The following HIVEP3 variants were observed in gnomAD, a reference collection of about 807,000 sequenced individuals.
HIVEP3 encodes HIVEP zinc finger 3.
In HIVEP3, 49 loss-of-function variants were observed where a neutral mutation model predicts 152.8. That is an observed-to-expected ratio of 0.32 (90% CI 0.26 to 0.41). HIVEP3 has a LOEUF of 0.41. Among genes scored for constraint, HIVEP3 ranks in the 10% least tolerant of loss-of-function variants. The pLI, the probability that HIVEP3 is intolerant of heterozygous loss-of-function variation, is 1.00. For synonymous variants in HIVEP3, 1,269 were observed against 1,289.0 expected (o/e 0.98, Z 0.33); for missense variants, 2,790 against 3,103.3 (o/e 0.90, Z 2.40).
chr1:41,673,929 C>G (rs559522378), intron 2 of HIVEP3, among the ~76,000 whole-genome samples: 2 of 152,186 alleles, frequency 1.3e-5, no homozygotes, highest in Non-Finnish European at 2.9e-5. Context: ...CACCCCAGCC[C>G]GTGCAGAAGG....
Position 41,513,512 on chromosome 1 carries a change from T to C in HIVEP3, c.5709A>G (p.Pro1903=), listed in dbSNP as rs900823035. The change falls in exon 8 of 9, where the codon CCA becomes CCG. Residue 1903 remains proline (P), a synonymous_variant. Transcript: ENST00000372583. The part of the protein sequence containing the change: ...DSSPILGPQP[P]DAPASGTEAT... Reference sequence around the variant, plus strand: ...CCTCCGTGCCAGAGGCGGGGGCATCTGGGGGCTGAGGGCCCAGGATGGGTG... The same window carrying C: ...CCTCCGTGCCAGAGGCGGGGGCATCCGGGGGCTGAGGGCCCAGGATGGGTG... 6.2e-7 allele frequency: 1 copy of C among 1,604,838 alleles called. No individual in the cohort carries two copies. Among genetic ancestry groups the C allele is most frequent in the Non-Finnish European group, 8.5e-7 (1 of 1,176,060 alleles).
chr1:42,007,283 C>T (rs777219582), intron 1 of HIVEP3, among the ~76,000 whole-genome samples: 5 of 152,214 alleles, frequency 3.3e-5, no homozygotes, highest in Non-Finnish European at 7.3e-5. Flanking sequence ...CTTCATGAGG[C>T]TCACTGCAGT....
intron 1 of HIVEP3, among the ~76,000 whole-genome samples, chr1:41,991,173 G>A (rs1398624199): frequency 2.0e-5 from 3 of 152,030 alleles, no homozygotes; most frequent in African/African-American, 7.2e-5. Flanking sequence ...GAAGGAAACA[G>A]AGACACAAAA....
chr1:41,953,765 G>A (rs1368723855), intron 1 of HIVEP3, among the ~76,000 whole-genome samples: 1 of 152,202 alleles, frequency 6.6e-6, no homozygotes, highest in African/African-American at 2.4e-5. Flanking sequence ...GAGGAAGAAG[G>A]AAGGAGATGC....
chr1:41,616,500 T>A (rs75263390), intron 3 of HIVEP3, among the ~76,000 whole-genome samples: 352 of 151,810 alleles, frequency 2.3e-3, no homozygotes, highest in Admixed American at 5.1e-3. Flanking sequence ...CAAGCTCCCA[T>A]TTGAGACTCC....
intron 1 of HIVEP3, among the ~76,000 whole-genome samples, chr1:41,871,032 C>G (rs1644070532): frequency 6.6e-6 from 1 of 152,212 alleles, no homozygotes; most frequent in South Asian, 2.1e-4. Context: ...CACTAAATGT[C>G]AGTTGTTTTT....
intron 1 of HIVEP3, among the ~76,000 whole-genome samples, chr1:41,740,160 T>C (rs1295380676): frequency 6.6e-6 from 1 of 152,228 alleles, no homozygotes; most frequent in East Asian, 1.9e-4. Flanking sequence ...GTGGACGGGA[T>C]GAAGATGTGG....
intron 1 of HIVEP3, among the ~76,000 whole-genome samples, chr1:41,989,212 A>T (rs1236790591): frequency 1.3e-5 from 2 of 152,232 alleles, no homozygotes; most frequent in Admixed American, 1.3e-4. Flanking sequence ...AGTAGATGTT[A>T]AATGCTCTCA....
At chr1:41,860,895 C>T (rs72671262) in intron 1 of HIVEP3, among the ~76,000 whole-genome samples, 19,719 of 152,210 alleles carry the variant, frequency 0.13, 1,591 homozygotes, top group Admixed American at 0.19. Context: ...AGCAGAGCAG[C>T]GAAACTGGCA....
chr1:41,524,632 G>A, intron 6 of HIVEP3, 103 bp downstream of exon 6: 1 of 1,077,986 alleles, frequency 9.3e-7, no homozygotes, highest in Non-Finnish European at 1.4e-6. Flanking sequence ...GCTGCTCCAG[G>A]CCCCCTGCAA....
intron 1 of HIVEP3, among the ~76,000 whole-genome samples, chr1:41,778,089 A>G (rs1648822601): frequency 6.6e-6 from 1 of 152,202 alleles, no homozygotes; most frequent in Non-Finnish European, 1.5e-5. Context: ...GCTCAAAGAC[A>G]GCAGATGATG....
intron 1 of HIVEP3, among the ~76,000 whole-genome samples, chr1:42,035,318 A>G (rs1306459689): frequency 6.6e-6 from 1 of 152,066 alleles, no homozygotes; most frequent in Non-Finnish European, 1.5e-5. Context: ...TGGAAGGGAA[A>G]CCTGGACCAG....
intron 1 of HIVEP3, among the ~76,000 whole-genome samples, chr1:41,749,041 A>ACTT (rs1416367855): frequency 2.6e-5 from 4 of 152,170 alleles, no homozygotes; most frequent in Non-Finnish European, 2.9e-5. Flanking sequence ...GTCAATATAC[A>ACTT]CTTGTCTCTC....
intron 1 of HIVEP3, among the ~76,000 whole-genome samples, chr1:41,743,538 ACC>A (rs1421261425): frequency 6.6e-6 from 1 of 152,164 alleles, no homozygotes; most frequent in Non-Finnish European, 1.5e-5. Flanking sequence ...GCAGCTCCAA[ACC>A]ACAGGATAAG....
At chr1:41,844,535 A>C (rs1380959743) in intron 1 of HIVEP3, among the ~76,000 whole-genome samples, 2 of 152,064 alleles carry the variant, frequency 1.3e-5, no homozygotes, top group African/African-American at 4.8e-5. Context: ...GGGCTTGAAA[A>C]CCACAGTGTT....
At chr1:41,833,292 G>C (rs935371533) in intron 1 of HIVEP3, among the ~76,000 whole-genome samples, 5 of 152,172 alleles carry the variant, frequency 3.3e-5, no homozygotes, top group African/African-American at 1.2e-4. Flanking sequence ...TTAATTTATA[G>C]CTCCAGCATT....
intron 1 of HIVEP3, among the ~76,000 whole-genome samples, chr1:41,815,036 A>G (rs974838048): frequency 2.6e-5 from 4 of 152,260 alleles, no homozygotes; most frequent in African/African-American, 9.6e-5. Context: ...AAATAAATAA[A>G]TAAGATGGTT....
At chr1:41,783,069 T>C (rs1217880151) in intron 1 of HIVEP3, among the ~76,000 whole-genome samples, 2 of 152,056 alleles carry the variant, frequency 1.3e-5, no homozygotes, top group African/African-American at 4.8e-5. Context: ...ACAAAAGGAA[T>C]CTTTGGGGAT....
intron 1 of HIVEP3, among the ~76,000 whole-genome samples, chr1:41,978,454 CAGAGA>C (rs1645273338): frequency 1.3e-5 from 2 of 152,100 alleles, no homozygotes; most frequent in Admixed American, 6.5e-5. Context: ...TGCAGGTGCA[CAGAGA>C]AAAGACCACA....
Sources: allele counts gnomAD v4.1 joint callset (sites outside exome capture counted in the v4.1 genomes callset), GRCh38; gene constraint gnomAD v4.1.1; transcripts MANE v1.5; gene names NCBI Gene and HGNC (gene_info 2026-07-23, HGNC 2026-07-21).